The following SENP1 variants were observed in gnomAD, a reference collection of about 807,000 sequenced individuals.
SENP1 encodes the protein SUMO specific peptidase 1.
In SENP1, 21 loss-of-function variants were observed where a neutral mutation model predicts 93.0. The ratio of observed to expected loss-of-function variants is 0.23; its 90% CI spans 0.16 to 0.33. The LOEUF is 0.33. SENP1 is among the 10% of genes least tolerant of loss of function. SENP1 has a pLI of 1.00. For missense variants in SENP1, 591 were observed against 758.7 expected, an observed-to-expected ratio of 0.78 and a Z score of 2.60; for synonymous variants, 256 against 259.6, an observed-to-expected ratio of 0.99 and a Z score of 0.13.
intron 9 of SENP1, among the ~76,000 whole-genome samples, chr12:48,069,429 C>T (rs1943529155): frequency 6.6e-6 from 1 of 152,162 alleles, no homozygotes; most frequent in African/African-American, 2.4e-5. Context: ...ATTGCTCAAA[C>T]AGCCTTACCC....
At chr12:48,102,705 T>C (rs1946033260) in intron 1 of SENP1, among the ~76,000 whole-genome samples, 2 of 147,676 alleles carry the variant, frequency 1.4e-5, no homozygotes, top group Non-Finnish European at 3.0e-5. Flanking sequence ...GTGGTCACAA[T>C]AATGAAAGTC....
chr12:48,065,491 T>C (rs1235971647), intron 11 of SENP1, 105 bp downstream of exon 11: 4 of 736,826 alleles, frequency 5.4e-6, no homozygotes, highest in Non-Finnish European at 9.1e-6. Flanking sequence ...TACCATACGA[T>C]CTTGGAATTA....
At chr12:48,070,375 A>C (rs535975953) in intron 9 of SENP1, among the ~76,000 whole-genome samples, 2 of 152,048 alleles carry the variant, frequency 1.3e-5, no homozygotes, top group African/African-American at 4.8e-5. Flanking sequence ...ATCCTACTCT[A>C]TATATTACCC....
intron 2 of SENP1, chr12:48,098,917 A>G (rs1442446214): frequency 6.6e-6 from 1 of 152,224 alleles, no homozygotes; most frequent in East Asian, 1.9e-4. Context: ...TCATATTGTC[A>G]TTGTCAAAAG....
chr12:48,101,376 T>A, intron 2 of SENP1, 93 bp downstream of exon 2: 1 of 963,586 alleles, frequency 1.0e-6, no homozygotes, highest in Non-Finnish European at 1.6e-6. Context: ...AGCACAAAGA[T>A]ACAAATACTG....
intron 4 of SENP1, among the ~76,000 whole-genome samples, chr12:48,091,049 G>A (rs2137221622): frequency 6.6e-6 from 1 of 152,142 alleles, no homozygotes; most frequent in Middle Eastern, 3.4e-3. Context: ...ATTTAATTGT[G>A]GTTATGTTCT....
chr12:48,060,260 G>A (rs1313339601), intron 13 of SENP1, among the ~76,000 whole-genome samples: 1 of 152,098 alleles, frequency 6.6e-6, no homozygotes, highest in Non-Finnish European at 1.5e-5. Flanking sequence ...ATGACCAGAA[G>A]CAAAAGTAAG....
In SENP1 at chr12:48,043,483, C is replaced by T. The variant is rs1941133681; in HGVS notation, c.*1839G>A. 6.6e-6 allele frequency: 1 copy of T among 152,592 alleles called. No individual in the cohort carries two copies. Among genetic ancestry groups the T allele is most frequent in the East Asian group, 1.9e-4 (1 of 5,194 alleles). The allele number at this position is 152,592 out of a possible 1,614,324, so 9.5% of individuals were successfully genotyped here. On this transcript the variant is annotated 3_prime_UTR_variant, in exon 18 of 18. Transcript: ENST00000549518. ...GCTTACATACAGTAAATACCAAGAA[C>T]CAGACAATATTCCAGGAGTCCTGCA... is the stretch of plus-strand genomic sequence containing the variant.
chr12:48,064,048 CCTT>C (rs1943131037), intron 12 of SENP1, among the ~76,000 whole-genome samples: 2 of 152,156 alleles, frequency 1.3e-5, no homozygotes, highest in Non-Finnish European at 2.9e-5. Context: ...TCTAGTCCTC[CCTT>C]CTCTTTTTCA....
At chr12:48,088,201 C>T (rs1292233454) in intron 5 of SENP1, among the ~76,000 whole-genome samples, 5 of 152,100 alleles carry the variant, frequency 3.3e-5, no homozygotes, top group Non-Finnish European at 7.4e-5. Context: ...TACAGGCACA[C>T]ACCACCATGC....
chr12:48,060,542 ACTT>A (rs1450720746), intron 13 of SENP1, among the ~76,000 whole-genome samples: 1 of 152,158 alleles, frequency 6.6e-6, no homozygotes, highest in Middle Eastern at 3.2e-3. Context: ...GCTTCAATCT[ACTT>A]CTACTTTTGC....
chr12:48,065,621 G>GT lies in SENP1; in HGVS notation c.1093_1094insA (p.Ala365AspfsTer20). 1 of 1,559,984 alleles carries GT rather than the reference G, an allele frequency of 6.4e-7. No individual in the cohort carries two copies. The highest frequency in any genetic ancestry group is 8.7e-7 in the Non-Finnish European group (1 of 1,150,186). ...CTGGTTTTGAAGCTGTAAGGCCAAT[G>GT]CCTTCTGTTCTTCAATCTGGCGCAA... On this transcript the variant is annotated frameshift_variant, in exon 11 of 18. Coordinates refer to ENST00000549518, the MANE Select transcript of SENP1 (RefSeq NM_001267594.2). LOFTEE classifies it high-confidence loss of function.
At chr12:48,104,448 T>C (rs1946299246) in intron 1 of SENP1, among the ~76,000 whole-genome samples, 1 of 152,288 alleles carries the variant, frequency 6.6e-6, no homozygotes, top group African/African-American at 2.4e-5. Flanking sequence ...TATCGTCATG[T>C]GTTTGAGGTT....
At position 48,044,918 on chromosome 12, in the gene SENP1, T is replaced by A. The variant is rs150480612; in HGVS notation, c.*404A>T. 3.4e-3 allele frequency: 644 copies of A among 191,072 alleles called. 1 individual carries two copies. Among genetic ancestry groups the A allele is most frequent in the Non-Finnish European group, 5.2e-3 (468 of 90,066 alleles). 11.8% of individuals were successfully genotyped at this position (191,072 alleles called of 1,614,324 possible). On this transcript the variant is annotated 3_prime_UTR_variant, in exon 18 of 18. Transcript: ENST00000549518. ...TGCTGGTGGTTTTTATCCCTACCTT[T>A]TGCCCATGCCCTTTCCTACTTCTTA...
In SENP1 at chr12:48,063,771, C is replaced by T. The variant is rs1184198853; in HGVS notation, c.1346G>A (p.Arg449His). Residue 449 changes from arginine (R) to histidine (H), a missense_variant, in exon 13 of 18, where the codon CGC becomes CAC. This residue lies in a region of SENP1 where 238 missense variants were observed against 259.1 expected (regional missense o/e 0.92). Transcript: ENST00000549518. ...NQDEVLSEAF[R>H]LTITRKDIQT... Reference sequence around the variant, plus strand: ...AATATCTTTGCGTGTAATGGTCAGGCGAAATGCTTCACTGAGAACTTCATC... The same window carrying T: ...AATATCTTTGCGTGTAATGGTCAGGTGAAATGCTTCACTGAGAACTTCATC... 1.3e-5 allele frequency: 21 copies of T among 1,612,868 alleles called. No individual in the cohort carries two copies. The highest frequency in any genetic ancestry group is 2.2e-5 in the East Asian group (1 of 44,858).
intron 17 of SENP1, 100 bp downstream of exon 17, chr12:48,046,256 G>T (rs535919398): frequency 1.3e-6 from 1 of 754,128 alleles, no homozygotes; most frequent in Non-Finnish European, 2.4e-6. Flanking sequence ...CTAAAGGTTA[G>T]GGTAGAGGCC....
chr12:48,056,344 TAC>T (rs1942336018), intron 13 of SENP1, among the ~76,000 whole-genome samples: 3 of 82,208 alleles, frequency 3.6e-5, no homozygotes, highest in African/African-American at 8.0e-5. Context: ...TTTAATATAT[TAC>T]ATATAATATA....
Position 48,101,529 on chromosome 12 carries a change from A to G in SENP1, c.-44-13T>C. Reference sequence around the variant, plus strand: ...AAGATACAAAGTCCTATAAAAGAAGACACAAAACAGAAAAATTACATACTG... The same window carrying G: ...AAGATACAAAGTCCTATAAAAGAAGGCACAAAACAGAAAAATTACATACTG... On this transcript the variant is annotated splice_polypyrimidine_tract_variant and intron_variant, in intron 1 of 17. Coordinates refer to ENST00000549518, the MANE Select transcript of SENP1 (RefSeq NM_001267594.2). 1 of 1,473,588 alleles carries G rather than the reference A, an allele frequency of 6.8e-7. No individual in the cohort carries two copies. 91.3% of individuals were successfully genotyped at this position (1,473,588 alleles called of 1,614,324 possible).
chr12:48,077,956 T>C (rs554580756), intron 6 of SENP1, among the ~76,000 whole-genome samples: 51 of 152,260 alleles, frequency 3.3e-4, no homozygotes, highest in African/African-American at 1.2e-3. Context: ...TTTTTTTCTA[T>C]GAAAAATAAC....
Sources: gnomAD v4.1 joint callset for allele counts (sites outside exome capture counted in the v4.1 genomes callset) on GRCh38, gnomAD v4.1.1 for gene constraint, gnomAD v4.1.1 regional missense constraint, MANE v1.5 for transcripts, NCBI Gene and HGNC (gene_info 2026-07-23, HGNC 2026-07-21) for gene names.